The following JMJD4 variants were observed in gnomAD, a reference collection of about 807,000 sequenced individuals.
JMJD4 encodes 2-oxoglutarate and iron-dependent oxygenase JMJD4.
JMJD4 carries 34 observed loss-of-function variants against 36.3 expected under a neutral mutation model. The ratio of observed to expected loss-of-function variants is 0.94; its 90% CI spans 0.71 to 1.25. The LOEUF is 1.25. JMJD4 is among the 50% of genes most tolerant of loss of function. The pLI is 0.00. For missense variants in JMJD4, 584 were observed against 559.1 expected (o/e 1.04, Z -0.45); for synonymous variants, 269 against 235.3 (o/e 1.14, Z -1.31).
Position 227,735,044 on chromosome 1 carries a change from C to T in JMJD4, c.230G>A (p.Arg77Lys). The T allele has an allele frequency of 6.4e-7, 1 of 1,553,598 alleles. No homozygotes were observed. The highest frequency in any genetic ancestry group is 8.7e-7 in the Non-Finnish European group (1 of 1,150,728). The change falls in exon 1 of 6, where the codon AGG becomes AAG. Residue 77 changes from arginine to lysine, a missense_variant. By Grantham distance (26) the Arg-to-Lys change is conservative. Coordinates refer to ENST00000620518, the MANE Select transcript of JMJD4 (RefSeq NM_023007.3). ...SRRRWVTPAG[R>K]PDFDHLLRTY... Reference sequence around the variant, plus strand: ...CCGTAGCAGGTGGTCGAAGTCGGGCCTCCCCGCGGGCGTCACCCAGCGCCG... The same window carrying T: ...CCGTAGCAGGTGGTCGAAGTCGGGCTTCCCCGCGGGCGTCACCCAGCGCCG...
rs1660724167 is a variant in JMJD4 at position 227,732,475 on chromosome 1, C to G, written c.1171G>C (p.Val391Leu). The G allele has an allele frequency of 6.2e-7, 1 of 1,613,180 alleles. No individual in the cohort carries two copies. Among genetic ancestry groups the G allele is most frequent in the African/African-American group, 1.3e-5 (1 of 74,940 alleles). ...TGTGGTGAGAACGCGCTGGTGTCCACTCTCTGGAAGTCGGGGTGCGCAACC... is the reference window on the plus strand; with the variant it reads ...TGTGGTGAGAACGCGCTGGTGTCCAGTCTCTGGAAGTCGGGGTGCGCAACC... ...SLVAHPDFQR[V>L]DTSAFSPQPK... The change falls in exon 6 of 6, where the codon GTG becomes CTG. Residue 391 changes from valine to leucine, a missense_variant. Transcript: ENST00000620518.
intron 2 of JMJD4, 78 bp downstream of exon 2, chr1:227,734,573 C>A: frequency 3.5e-6 from 5 of 1,431,708 alleles, no homozygotes; most frequent in Non-Finnish European, 3.9e-6. Flanking sequence ...CACCCAGGGG[C>A]CACCTTCATC....
rs201330178 is a variant in JMJD4 at position 227,734,699 on chromosome 1, T to C, written c.380A>G (p.Tyr127Cys). 8.7e-6 allele frequency: 14 copies of C among 1,613,598 alleles called. No individual in the cohort carries two copies. The East Asian group carries it at 8.9e-5, about 10-fold the overall frequency. Residue 127 changes from tyrosine to cysteine, a missense_variant, in exon 2 of 6, where the codon TAC becomes TGC. Tyr to Cys is a radical substitution (Grantham distance 194). Transcript: ENST00000620518. ...TYWKEYIQAG[Y>C]SSPRGCLYLK... Reference sequence around the variant, plus strand: ...GTAGAGACAGCCCCTGGGAGAGGAGTAGCCCGCCTGTATGTACTCTTTCCA... The same window carrying C: ...GTAGAGACAGCCCCTGGGAGAGGAGCAGCCCGCCTGTATGTACTCTTTCCA...
chr1:227,733,737 T>C lies in JMJD4; in HGVS notation c.555-56A>G. 1.9e-6 allele frequency: 3 copies of C among 1,597,312 alleles called. No homozygotes were observed. The Admixed American group carries it at 5.0e-5, about 27-fold the overall frequency. ...TGTAGGGGCTGGTATGGGCTTTGCT[T>C]GGCACCCCAGAGGCCTGGTCCAACT... is the stretch of plus-strand genomic sequence containing the variant. On this transcript the variant is annotated intron_variant, in intron 3 of 5. Coordinates refer to ENST00000620518, the MANE Select transcript of JMJD4 (RefSeq NM_023007.3).
chr1:227,735,226 C>A lies in JMJD4; in HGVS notation c.48G>T (p.Leu16=). The change falls in exon 1 of 6, where the codon CTG becomes CTT. Residue 16 remains leucine (L), a synonymous_variant. Coordinates refer to ENST00000620518, the MANE Select transcript of JMJD4 (RefSeq NM_023007.3). The part of the protein sequence containing the change: ...RALADSHFRG[L]GVDVPGVGQA... ...GGCCGACGCCGGGGACATCGACCCC[C>A]AGGCCTCGGAAGTGGCTGTCGGCGA... The A allele has an allele frequency of 6.3e-7, 1 of 1,596,280 alleles. No individual in the cohort carries two copies. Among genetic ancestry groups the A allele is most frequent in the Non-Finnish European group, 8.5e-7 (1 of 1,172,164 alleles).
intron 4 of JMJD4, 39 bp from the exon 5 acceptor site, chr1:227,733,066 C>A: frequency 6.2e-7 from 1 of 1,607,964 alleles, no homozygotes; most frequent in Non-Finnish European, 8.5e-7. Context: ...GAGCCCATGG[C>A]AGGTGCCCCC....
At chr1:227,734,088 G>A in intron 2 of JMJD4, 56 bp from the exon 3 acceptor site, 7 of 1,577,756 alleles carry the variant, frequency 4.4e-6, no homozygotes, top group Non-Finnish European at 6.0e-6. Context: ...AGGAGACTAG[G>A]GCAGCACGAG....
chr1:227,732,909 G>A lies in JMJD4; in HGVS notation c.941C>T (p.Ser314Phe), dbSNP rs1039168264. ...VQEEVSEWRDSMPDWHHHCQV... is the reference protein window; with the variant it reads ...VQEEVSEWRDFMPDWHHHCQV... ...GCAGTGGTGGTGCCAGTCGGGCATG[G>A]AGTCCCTCCACTCGCTGACCTCCTC... The change falls in exon 5 of 6, where the codon TCC becomes TTC. Residue 314 changes from serine to phenylalanine, a missense_variant. Ser to Phe is a radical substitution (Grantham distance 155). Transcript: ENST00000620518. The A allele has an allele frequency of 6.2e-7, 1 of 1,612,840 alleles. No homozygotes were observed. Among genetic ancestry groups the A allele is most frequent in the Admixed American group, 1.7e-5 (1 of 60,028 alleles).
intron 1 of JMJD4, 37 bp from the exon 2 acceptor site, chr1:227,734,853 GC>G: frequency 6.2e-7 from 1 of 1,611,082 alleles, no homozygotes; most frequent in Non-Finnish European, 8.5e-7. Flanking sequence ...ATCTCCCTGG[GC>G]CCCGTCCTCA....
chr1:227,732,590 C>T lies in JMJD4; in HGVS notation c.1056G>A (p.Leu352=). The T allele has an allele frequency of 6.2e-7, 1 of 1,613,546 alleles. No homozygotes were observed. Among genetic ancestry groups the T allele is most frequent in the Non-Finnish European group, 8.5e-7 (1 of 1,180,046 alleles). ...KVIAEKRLLV[L]REAAAEDGAG... is the part of the protein sequence containing the mutation. ...CACCGTCCTCAGCGGCTGCCTCCCTCAGGACCAGGAGCCTCTTCTCAGCGA... is the reference window on the plus strand; with the variant it reads ...CACCGTCCTCAGCGGCTGCCTCCCTTAGGACCAGGAGCCTCTTCTCAGCGA... The change falls in exon 6 of 6, where the codon CTG becomes CTA. Residue 352 remains leucine, a synonymous_variant. Transcript: ENST00000620518.
rs765975069 is a variant in JMJD4 at position 227,732,958 on chromosome 1, G to T, written c.892C>A (p.Gln298Lys). The part of the protein sequence containing the change: ...FNLANMWRFL[Q>K]QELCAVQEEV... The stretch of plus-strand genomic sequence containing the variant: ...TCCTGCACGGCGCATAGCTCCTGCT[G>T]CAAGAAGCGCCACATGTTGGCCAGG... Residue 298 changes from glutamine (Q) to lysine (K), a missense_variant, in exon 5 of 6, where the codon CAG becomes AAG. Gln to Lys is a moderately conservative substitution (Grantham distance 53, BLOSUM62 1). Transcript: ENST00000620518. The T allele has an allele frequency of 1.1e-5, 17 of 1,613,350 alleles. No individual in the cohort carries two copies. The highest frequency in any genetic ancestry group is 1.7e-4 in the Middle Eastern group (1 of 6,056).
intron 3 of JMJD4, 104 bp downstream of exon 3, chr1:227,733,803 C>T (rs1205672111): frequency 1.9e-6 from 3 of 1,584,638 alleles, no homozygotes; most frequent in Non-Finnish European, 1.7e-6. Flanking sequence ...ATGGCACCCA[C>T]TGTGAGGCCT....
At position 227,731,212 on chromosome 1, in the gene JMJD4, G is replaced by C. The variant is rs539368400; in HGVS notation, c.*1180C>G. 3.3e-5 allele frequency: 5 copies of C among 152,496 alleles called. No homozygotes were observed. Among genetic ancestry groups the C allele is most frequent in the Admixed American group, 2.6e-4 (4 of 15,310 alleles). 9.4% of individuals were successfully genotyped at this position (152,496 alleles called of 1,614,324 possible). Reference sequence around the variant, plus strand: ...GCTGTTGGCTGGAGCGCATTCATTCGACAGACACATATGAAGCACCTACTG... The same window carrying C: ...GCTGTTGGCTGGAGCGCATTCATTCCACAGACACATATGAAGCACCTACTG... On this transcript the variant is annotated 3_prime_UTR_variant, in exon 6 of 6. Transcript: ENST00000620518.
Position 227,735,247 on chromosome 1 carries a change from G to C in JMJD4, c.27C>G (p.Ala9=), listed in dbSNP as rs556796845. The change falls in exon 1 of 6, where the codon GCC becomes GCG. Residue 9 remains alanine (A), a synonymous_variant. Transcript: ENST00000620518. MDRETRAL[A]DSHFRGLGVD... is the part of the protein sequence containing the mutation. ...CCCCCAGGCCTCGGAAGTGGCTGTC[G>C]GCGAGGGCGCGCGTCTCGCGGTCCA... The C allele has an allele frequency of 1.2e-6, 2 of 1,601,764 alleles. No homozygotes were observed. The highest frequency in any genetic ancestry group is 2.7e-5 in the African/African-American group (2 of 74,498).
intron 2 of JMJD4, chr1:227,734,352 T>TAAAAAAAAAAAAAAAAAAAAAAAAAAA (rs56684758): frequency 1.3e-5 from 1 of 76,626 alleles, no homozygotes; most frequent in Non-Finnish European, 2.2e-5. Context: ...CTAGTCTCTT[T>TAAAAAAAAAAAAAAAAAAAAAAAAAAA]AAAAAAAAAA....
Position 227,734,105 on chromosome 1 carries a change from A to T in JMJD4, c.429-73T>A, listed in dbSNP as rs1017947388. 1.3e-5 allele frequency: 20 copies of T among 1,527,892 alleles called. No homozygotes were observed. The African/African-American group carries it at 2.3e-4, about 18-fold the overall frequency. 94.6% of individuals were successfully genotyped at this position (1,527,892 alleles called of 1,614,324 possible). A position where few individuals can be genotyped will look rare whatever the true frequency, so the allele number is the denominator to read the frequency against. On this transcript the variant is annotated intron_variant, in intron 2 of 5. Transcript: ENST00000620518. Reference sequence around the variant, plus strand: ...GAGACTAGGGCAGCACGAGTGGGGCAACTGAGACCAATCGGCTCCAGTGGA... The same window carrying T: ...GAGACTAGGGCAGCACGAGTGGGGCTACTGAGACCAATCGGCTCCAGTGGA...
At chr1:227,734,115 A>C in intron 2 of JMJD4, 83 bp from the exon 3 acceptor site, 1 of 1,488,010 alleles carries the variant, frequency 6.7e-7, no homozygotes, top group Non-Finnish European at 9.1e-7. Context: ...AACTGAGACC[A>C]ATCGGCTCCA....
At chr1:227,733,876 T>G in intron 3 of JMJD4, 31 bp downstream of exon 3, 1 of 1,611,588 alleles carries the variant, frequency 6.2e-7, no homozygotes, top group Non-Finnish European at 8.5e-7. Flanking sequence ...CCAGGCCCCT[T>G]CGGGTTCCAC....
chr1:227,734,547 A>G (rs1660931796), intron 2 of JMJD4, 104 bp downstream of exon 2: 1 of 1,074,012 alleles, frequency 9.3e-7, no homozygotes, highest in African/African-American at 1.6e-5. Context: ...TCACGGGGAA[A>G]AATAGCTCCG....
Sources: gnomAD v4.1 joint callset for allele counts on GRCh38, gnomAD v4.1.1 for gene constraint, MANE v1.5 for transcripts, NCBI Gene and HGNC (gene_info 2026-07-23, HGNC 2026-07-21) for gene names.